Variants in MICAL3 observed in about 807,000 individuals in gnomAD.
The protein encoded by MICAL3 is microtubule associated monooxygenase, calponin and LIM domain containing 3.
MICAL3 carries 62 observed loss-of-function variants against 207.4 expected under a neutral mutation model. The ratio of observed to expected loss-of-function variants is 0.30; its 90% CI spans 0.24 to 0.37. The LOEUF is 0.37. MICAL3 is among the 10% of genes least tolerant of loss of function. The pLI, the probability that MICAL3 is intolerant of heterozygous loss-of-function variation, is 1.00. For synonymous variants in MICAL3, 1,077 were observed against 1,069.3 expected (o/e 1.01, Z -0.14); for missense variants, 2,368 against 2,635.6 (o/e 0.90, Z 2.22).
chr22:17,875,656 G>A, intron 16 of MICAL3: 11 of 369,362 alleles, frequency 3.0e-5, no homozygotes, highest in Non-Finnish European at 3.8e-5. Context: ...TTTTACTCTA[G>A]ACCTTTATCT....
intron 16 of MICAL3, among the ~76,000 whole-genome samples, chr22:17,885,645 C>CTGATTCTTGTCA (rs1929804350): frequency 1.3e-5 from 2 of 152,074 alleles, no homozygotes. Flanking sequence ...GATCCCTCTG[C>CTGATTCTTGTCA]TGATTCTTGT....
rs751870277 is a variant in MICAL3, at chr22:17,896,868, C to T, written c.1062G>A (p.Leu354=). The part of the protein sequence containing the change: ...DFSTQQQLPS[L]DFAINHYGQP... ...GCCCATAGTGATTGATGGCAAAATCCAGAGACGGCAGCTGCTGCTGGGTAG... is the reference window on the plus strand; with the variant it reads ...GCCCATAGTGATTGATGGCAAAATCTAGAGACGGCAGCTGCTGCTGGGTAG... Residue 354 remains leucine (L), a synonymous_variant, in exon 8 of 32, where the codon CTG becomes CTA. Transcript: ENST00000441493. 12 of 1,614,018 alleles carry T rather than the reference C, an allele frequency of 7.4e-6. No homozygotes were observed. Among genetic ancestry groups the T allele is most frequent in the Admixed American group, 1.7e-5 (1 of 60,010 alleles).
chr22:17,827,516 G>T, intron 22 of MICAL3, 128 bp downstream of exon 22: 1 of 948,842 alleles, frequency 1.1e-6, no homozygotes, highest in Non-Finnish European at 1.5e-6. Context: ...AGCAAAGCGG[G>T]ATGCGCCTGG....
chr22:17,933,163 T>C (rs1296326050), intron 1 of MICAL3, among the ~76,000 whole-genome samples: 1 of 152,192 alleles, frequency 6.6e-6, no homozygotes. Context: ...ATCAACAGAA[T>C]ATACATTCTT....
chr22:18,011,486 T>C (rs1190872499), intron 1 of MICAL3, among the ~76,000 whole-genome samples: 1 of 151,086 alleles, frequency 6.6e-6, no homozygotes, highest in Non-Finnish European at 1.5e-5. Context: ...AGGCGGAGGT[T>C]GCGGTGAGCC....
intron 1 of MICAL3, among the ~76,000 whole-genome samples, chr22:17,913,003 A>G (rs1244676071): frequency 6.6e-6 from 1 of 152,140 alleles, no homozygotes; most frequent in African/African-American, 2.4e-5. Context: ...ATTTTCTTCT[A>G]TTCCTAGTCT....
At chr22:17,946,965 G>A (rs1385165566) in intron 1 of MICAL3, among the ~76,000 whole-genome samples, 1 of 152,208 alleles carries the variant, frequency 6.6e-6, no homozygotes, top group Non-Finnish European at 1.5e-5. Context: ...CCCTGCTATC[G>A]CCTCTCCATA....
chr22:17,967,219 G>T (rs1469214229), intron 1 of MICAL3, among the ~76,000 whole-genome samples: 1 of 152,092 alleles, frequency 6.6e-6, no homozygotes, highest in Admixed American at 6.5e-5. Flanking sequence ...CAGTGATTTT[G>T]TTATCTTTAT....
chr22:17,881,411 G>T, intron 16 of MICAL3: 1 of 832,208 alleles, frequency 1.2e-6, no homozygotes, highest in Non-Finnish European at 1.9e-6. Context: ...CCCCAGGGAG[G>T]CCTTTCCTTG....
chr22:17,947,376 G>T (rs538217113), intron 1 of MICAL3, among the ~76,000 whole-genome samples: 6 of 152,286 alleles, frequency 3.9e-5, no homozygotes, highest in African/African-American at 1.4e-4. Flanking sequence ...AAAGACCTCG[G>T]TGTCTGCCTT....
intron 1 of MICAL3, among the ~76,000 whole-genome samples, chr22:18,001,877 C>A (rs5992957): frequency 0.6 from 91,036 of 151,570 alleles, 28,678 homozygotes; most frequent in African/African-American, 0.8. Flanking sequence ...AAAGCCTGCC[C>A]CCGGAGAGAA....
chr22:17,864,888 A>G lies in MICAL3; in HGVS notation c.2605+11T>C, dbSNP rs550515472. The G allele has an allele frequency of 5.0e-6, 8 of 1,613,806 alleles. No individual in the cohort carries two copies. The South Asian group carries it at 6.6e-5, about 13-fold the overall frequency. Reference sequence around the variant, plus strand: ...GACGCGCCACCCAGCCAAACAAGGAAGTGAGGCTACCTGGGGTTCTCTCAG... The same window carrying G: ...GACGCGCCACCCAGCCAAACAAGGAGGTGAGGCTACCTGGGGTTCTCTCAG... On this transcript the variant is annotated intron_variant, in intron 19 of 31. Transcript: ENST00000441493.
intron 1 of MICAL3, among the ~76,000 whole-genome samples, chr22:17,960,000 G>A (rs1934823543): frequency 6.6e-6 from 1 of 152,206 alleles, no homozygotes; most frequent in African/African-American, 2.4e-5. Context: ...TAAGCAAAGA[G>A]CACTTAACGT....
intron 16 of MICAL3, among the ~76,000 whole-genome samples, chr22:17,878,541 G>A (rs1424922694): frequency 2.6e-5 from 4 of 152,246 alleles, no homozygotes; most frequent in Non-Finnish European, 5.9e-5. Context: ...TTTACTGCTT[G>A]GCCATAACTG....
intron 8 of MICAL3, 62 bp downstream of exon 8, chr22:17,896,662 C>G: frequency 6.5e-7 from 1 of 1,546,702 alleles, no homozygotes. Context: ...ACCCAGGATG[C>G]CCAGATTCAC....
chr22:17,961,051 G>A (rs1431523190), intron 1 of MICAL3, among the ~76,000 whole-genome samples: 1 of 152,124 alleles, frequency 6.6e-6, no homozygotes, highest in East Asian at 1.9e-4. Flanking sequence ...GTTACCAGGG[G>A]CTCCTGGTTG....
rs2061891365 is a variant in MICAL3, at chr22:17,797,733, G to A, written c.5651-6432C>T. 3.9e-5 allele frequency among the ~76,000 whole-genome samples: 6 copies of A among 152,314 alleles called. No individual in the cohort carries two copies. In the South Asian group the frequency reaches 1.2e-3, roughly 32 times the overall value. On this transcript the variant is annotated intron_variant, in intron 29 of 31. Transcript: ENST00000441493. ...TCATGGCCTGTGGTAAGGATGATGCGGGAGACTACTAATTTATGCCAGAAA... is the reference window on the plus strand; with the variant it reads ...TCATGGCCTGTGGTAAGGATGATGCAGGAGACTACTAATTTATGCCAGAAA...
Position 17,790,666 on chromosome 22 carries a change from G to A in MICAL3, c.*66C>T, listed in dbSNP as rs1294462623. On this transcript the variant is annotated 3_prime_UTR_variant, in exon 32 of 32. Transcript: ENST00000441493. Reference sequence around the variant, plus strand: ...CCAGGCCTCCTCAGATCGCGGCTCCGGGTGGTTTGGATGCCACTGCCTGGC... The same window carrying A: ...CCAGGCCTCCTCAGATCGCGGCTCCAGGTGGTTTGGATGCCACTGCCTGGC... The A allele has an allele frequency of 7.6e-6, 11 of 1,448,682 alleles. No individual in the cohort carries two copies. The highest frequency in any genetic ancestry group is 4.2e-5 in the African/African-American group (3 of 70,630). The allele number at this position is 1,448,682 out of a possible 1,614,324, so 89.7% of individuals were successfully genotyped here. A position where few individuals can be genotyped will look rare whatever the true frequency, so the allele number is the denominator to read the frequency against.
At chr22:17,968,805 A>T (rs1935272424) in intron 1 of MICAL3, among the ~76,000 whole-genome samples, 1 of 152,164 alleles carries the variant, frequency 6.6e-6, no homozygotes, top group Non-Finnish European at 1.5e-5. Context: ...GCGCTTTTAG[A>T]TTAGCATGGG....
Sources: allele counts gnomAD v4.1 joint callset (sites outside exome capture counted in the v4.1 genomes callset), GRCh38; gene constraint gnomAD v4.1.1; transcripts MANE v1.5; gene names NCBI Gene and HGNC (gene_info 2026-07-23, HGNC 2026-07-21).